Variants in TMEM132D observed in about 807,000 individuals in gnomAD.
TMEM132D encodes transmembrane protein 132D.
In TMEM132D, 21 loss-of-function variants were observed where a neutral mutation model predicts 62.3. The ratio of observed to expected loss-of-function variants is 0.34; its 90% CI spans 0.24 to 0.49. The LOEUF (loss-of-function observed/expected upper bound fraction) is 0.49, where lower values mean the gene tolerates loss of function less well. TMEM132D is among the 20% of genes least tolerant of loss of function. The pLI is 0.99. For missense variants in TMEM132D, 1,346 were observed against 1,402.8 expected (o/e 0.96, Z 0.65); for synonymous variants, 621 against 575.6 (o/e 1.08, Z -1.13).
chr12:129,438,715 G>A (rs1872857850), intron 3 of TMEM132D, among the ~76,000 whole-genome samples: 1 of 152,154 alleles, frequency 6.6e-6, no homozygotes. Context: ...TGCATCATAT[G>A]TTCCATTTCA....
At chr12:129,666,987 T>C (rs1237536587) in intron 2 of TMEM132D, among the ~76,000 whole-genome samples, 3 of 116,630 alleles carry the variant, frequency 2.6e-5, no homozygotes, top group African/African-American at 9.1e-5. Flanking sequence ...AAAAAGGGTT[T>C]GTAAAGGGTT....
At chr12:129,173,714 C>T (rs760564734) in intron 5 of TMEM132D, among the ~76,000 whole-genome samples, 25 of 152,288 alleles carry the variant, frequency 1.6e-4, no homozygotes, top group Non-Finnish European at 3.1e-4. Context: ...TAGGCTGTCA[C>T]TTAGCATTTA....
intron 2 of TMEM132D, among the ~76,000 whole-genome samples, chr12:129,678,654 T>C (rs1370240636): frequency 6.6e-6 from 1 of 152,138 alleles, no homozygotes; most frequent in African/African-American, 2.4e-5. Flanking sequence ...AATTTATTAA[T>C]TTTCCTTCAG....
chr12:129,407,694 C>T (rs928314833), intron 3 of TMEM132D, among the ~76,000 whole-genome samples: 2 of 151,802 alleles, frequency 1.3e-5, no homozygotes, highest in African/African-American at 4.8e-5. Context: ...ATCATGAGGT[C>T]AGGAGATCGA....
At chr12:129,133,892 A>C (rs998717603) in intron 5 of TMEM132D, among the ~76,000 whole-genome samples, 1 of 152,172 alleles carries the variant, frequency 6.6e-6, no homozygotes, top group Non-Finnish European at 1.5e-5. Context: ...TTTCCTCCGG[A>C]GTTGGTACAC....
At chr12:129,244,406 A>AAAAAAAAAAAC (rs1555240904) in intron 4 of TMEM132D, among the ~76,000 whole-genome samples, 1 of 146,198 alleles carries the variant, frequency 6.8e-6, no homozygotes, top group African/African-American at 2.5e-5. Flanking sequence ...AAAAAAAAAA[A>AAAAAAAAAAAC]AAACAAACAA....
chr12:129,578,009 C>T (rs77223582), intron 2 of TMEM132D, among the ~76,000 whole-genome samples: 4,253 of 152,258 alleles, frequency 0.028, 220 homozygotes, highest in African/African-American at 0.097. Context: ...TGAGGGCCAA[C>T]GCAGAAGAAA....
At chr12:129,195,837 T>C (rs748326059) in intron 5 of TMEM132D, among the ~76,000 whole-genome samples, 3 of 151,794 alleles carry the variant, frequency 2.0e-5, no homozygotes, top group Non-Finnish European at 2.9e-5. Context: ...GAATAAAGAG[T>C]TTACGGGGGC....
intron 2 of TMEM132D, among the ~76,000 whole-genome samples, chr12:129,618,029 C>T (rs937659611): frequency 2.6e-5 from 4 of 152,038 alleles, no homozygotes; most frequent in African/African-American, 4.8e-5. Flanking sequence ...CTTCCCAATC[C>T]GTGAAATGAA....
intron 1 of TMEM132D, among the ~76,000 whole-genome samples, chr12:129,880,002 C>T (rs943633729): frequency 1.3e-5 from 2 of 152,030 alleles, no homozygotes; most frequent in African/African-American, 4.8e-5. Flanking sequence ...AAGATTCAAA[C>T]CACAGACCCC....
intron 5 of TMEM132D, among the ~76,000 whole-genome samples, chr12:129,186,254 C>T (rs1388922755): frequency 1.3e-5 from 2 of 152,210 alleles, no homozygotes; most frequent in African/African-American, 4.8e-5. Flanking sequence ...ACATCCTGCT[C>T]ATCTGGAGTC....
At chr12:129,116,689 G>A (rs1247119558) in intron 5 of TMEM132D, among the ~76,000 whole-genome samples, 1 of 152,036 alleles carries the variant, frequency 6.6e-6, no homozygotes. Flanking sequence ...ACAACAATGA[G>A]ATGTGATTAT....
chr12:129,542,674 TACTAC>T (rs1336936228), intron 2 of TMEM132D, among the ~76,000 whole-genome samples: 1 of 152,140 alleles, frequency 6.6e-6, no homozygotes, highest in Non-Finnish European at 1.5e-5. Context: ...CACACAGTTA[TACTAC>T]ATATATGTAT....
chr12:129,592,481 G>C (rs768544254), intron 2 of TMEM132D, among the ~76,000 whole-genome samples: 2 of 152,106 alleles, frequency 1.3e-5, no homozygotes, highest in Non-Finnish European at 2.9e-5. Context: ...CAACTTCTAA[G>C]CATTTAGGAG....
chr12:129,199,471 G>A (rs1878635865), intron 5 of TMEM132D, among the ~76,000 whole-genome samples: 1 of 152,072 alleles, frequency 6.6e-6, no homozygotes, highest in South Asian at 2.1e-4. Flanking sequence ...CACACATTAG[G>A]TTTTAGAAAC....
At chr12:129,729,845 T>A (rs560981757) in intron 1 of TMEM132D, among the ~76,000 whole-genome samples, 160 of 152,322 alleles carry the variant, frequency 1.1e-3, no homozygotes, top group Admixed American at 2.5e-3. Flanking sequence ...AACATTAATG[T>A]AAGGTCCTCT....
chr12:129,491,760 G>A (rs1358879396), intron 3 of TMEM132D, among the ~76,000 whole-genome samples: 1 of 152,122 alleles, frequency 6.6e-6, no homozygotes, highest in East Asian at 1.9e-4. Context: ...TGGGCAACAT[G>A]GCAAAACCCT....
At chr12:129,094,407 T>C (rs977462505) in intron 5 of TMEM132D, among the ~76,000 whole-genome samples, 2 of 152,188 alleles carry the variant, frequency 1.3e-5, no homozygotes, top group African/African-American at 4.8e-5. Context: ...AAAACATTTA[T>C]GCAGCCAAAA....
At position 129,084,861 on chromosome 12, in the gene TMEM132D, G is replaced by A. The variant is rs1415532973; in HGVS notation, c.1444-159C>T. 1.1e-5 allele frequency: 7 copies of A among 632,720 alleles called. No homozygotes were observed. The African/African-American group carries it at 1.3e-4, about 12-fold the overall frequency. 39.2% of individuals were successfully genotyped at this position (632,720 alleles called of 1,614,324 possible). A position where few individuals can be genotyped will look rare whatever the true frequency, so the allele number is the denominator to read the frequency against. On this transcript the variant is annotated intron_variant, in intron 5 of 8. Coordinates refer to ENST00000422113, the MANE Select transcript of TMEM132D (RefSeq NM_133448.3). ...GGTCCTGGTATGGAGCAGACATTGG[G>A]TGTTGCTTTTGAGTAATAATAGCAG...
Sources: allele counts gnomAD v4.1 joint callset (sites outside exome capture counted in the v4.1 genomes callset), GRCh38; gene constraint gnomAD v4.1.1; transcripts MANE v1.5; gene names NCBI Gene and HGNC (gene_info 2026-07-23, HGNC 2026-07-21).